Variants in TAS1R1 observed in about 807,000 individuals in gnomAD.
TAS1R1 encodes taste 1 receptor member 1.
Under a neutral mutation model 45.8 loss-of-function variants are expected in TAS1R1, and 31 were observed. The observed-to-expected ratio is 0.68, with a 90% CI of 0.51 to 0.91. The LOEUF (loss-of-function observed/expected upper bound fraction) is 0.91, where lower values mean the gene tolerates loss of function less well. TAS1R1 is among the 40% of genes least tolerant of loss of function. The probability of loss-of-function intolerance (pLI) is 0.00; values close to 1 mark genes in which losing one functional copy is unlikely to be tolerated. For synonymous variants in TAS1R1, 437 were observed against 448.4 expected, an observed-to-expected ratio of 0.97 and a Z score of 0.32; for missense variants, 1,051 against 1,063.9, an observed-to-expected ratio of 0.99 and a Z score of 0.17.
rs1306476377 is a variant in TAS1R1, at chr1:6,555,359, G to T, written c.-15G>T. On this transcript the variant is annotated 5_prime_UTR_variant, in exon 1 of 6. Coordinates refer to ENST00000333172, the MANE Select transcript of TAS1R1 (RefSeq NM_138697.4). ...GCCACTCCTTGGCCATGCCAGGCGC[G>T]GGCATCTGGCCAGCATGCTGCTCTG... The T allele has an allele frequency of 6.4e-7, 1 of 1,564,244 alleles. No homozygotes were observed. The highest frequency in any genetic ancestry group is 1.3e-5 in the African/African-American group (1 of 74,238).
intron 2 of TAS1R1, among the ~76,000 whole-genome samples, chr1:6,572,029 C>G (rs546893457): frequency 5.9e-4 from 90 of 152,194 alleles, no homozygotes; most frequent in Non-Finnish European, 9.1e-4. Context: ...GGATCCTTCC[C>G]CATGGGTTCC....
Position 6,578,696 on chromosome 1 carries a change from T to C in TAS1R1, c.1638T>C (p.Pro546=). 1 of 1,602,682 alleles carries C rather than the reference T, an allele frequency of 6.2e-7. No individual in the cohort carries two copies. The highest frequency in any genetic ancestry group is 2.2e-5 in the East Asian group (1 of 44,726). The change falls in exon 6 of 6, where the codon CCT becomes CCC. Residue 546 remains proline (P), a synonymous_variant. Coordinates refer to ENST00000333172, the MANE Select transcript of TAS1R1 (RefSeq NM_138697.4). ...CTTGTGGGAAAGAAGAGTGGGCACC[T>C]GAGGGAAGCCAGACCTGCTTCCCGC... ...CQPCGKEEWA[P]EGSQTCFPRT...
chr1:6,572,585 TGA>T (rs1226975314), intron 2 of TAS1R1, among the ~76,000 whole-genome samples: 1 of 152,112 alleles, frequency 6.6e-6, no homozygotes, highest in Non-Finnish European at 1.5e-5. Flanking sequence ...AGTCCTCCTA[TGA>T]GAGTCTTTCC....
chr1:6,568,482 A>G (rs1639924161), intron 1 of TAS1R1, among the ~76,000 whole-genome samples: 1 of 150,236 alleles, frequency 6.7e-6, no homozygotes, highest in Non-Finnish European at 1.5e-5. Flanking sequence ...AAAAAGAACA[A>G]TAGTTCCTTC....
intron 1 of TAS1R1, among the ~76,000 whole-genome samples, chr1:6,559,186 C>T (rs1391159993): frequency 1.3e-5 from 2 of 152,050 alleles, no homozygotes; most frequent in Non-Finnish European, 2.9e-5. Context: ...AGCCGCCACG[C>T]CCGGCCCCAA....
rs551112521 is a variant in TAS1R1, at chr1:6,560,187, C to T, written c.191+4623C>T. On this transcript the variant is annotated intron_variant, in intron 1 of 5. Coordinates refer to ENST00000333172, the MANE Select transcript of TAS1R1 (RefSeq NM_138697.4). ...TGGTGTATGCCTGTAATCCCAGCTA[C>T]TTGGGAGGCTGAGGCAGGAGAATCG... Among the ~76,000 whole-genome samples the T allele has an allele frequency of 5.9e-5, 9 of 152,176 alleles. No homozygotes were observed. In the East Asian group the frequency reaches 1.7e-3, roughly 29 times the overall value.
Position 6,555,450 on chromosome 1 carries a change from C to T in TAS1R1, c.77C>T (p.Thr26Met), listed in dbSNP as rs765314504. 1.9e-6 allele frequency: 3 copies of T among 1,607,264 alleles called. No homozygotes were observed. Among genetic ancestry groups the T allele is most frequent in the South Asian group, 1.1e-5 (1 of 89,642 alleles). The part of the protein sequence containing the change: ...SCCWAFACHS[T>M]ESSPDFTLPG... ...TGCTGGGCCTTTGCCTGCCATAGCACGGAGTCTTCTCCTGACTTCACCCTC... is the reference window on the plus strand; with the variant it reads ...TGCTGGGCCTTTGCCTGCCATAGCATGGAGTCTTCTCCTGACTTCACCCTC... Residue 26 changes from threonine to methionine, a missense_variant, in exon 1 of 6, where the codon ACG becomes ATG. Thr to Met is a moderately conservative substitution (Grantham distance 81). Coordinates refer to ENST00000333172, the MANE Select transcript of TAS1R1 (RefSeq NM_138697.4).
At position 6,576,438 on chromosome 1, in the gene TAS1R1, G is replaced by A; in HGVS notation, c.1284G>A (p.Val428=). The A allele has an allele frequency of 1.2e-6, 2 of 1,614,200 alleles. No individual in the cohort carries two copies. Among genetic ancestry groups the A allele is most frequent in the Non-Finnish European group, 1.7e-6 (2 of 1,180,034 alleles). ...AGCTTTTGGAGCAGATCCACAAGGT[G>A]CATTTCCTTCTACACAAGGACACTG... ...PWQLLEQIHK[V]HFLLHKDTVA... is the part of the protein sequence containing the mutation. Residue 428 remains valine, a synonymous_variant, in exon 4 of 6, where the codon GTG becomes GTA. Coordinates refer to ENST00000333172, the MANE Select transcript of TAS1R1 (RefSeq NM_138697.4).
At chr1:6,567,744 G>A (rs1639901299) in intron 1 of TAS1R1, among the ~76,000 whole-genome samples, 1 of 152,144 alleles carries the variant, frequency 6.6e-6, no homozygotes, top group Non-Finnish European at 1.5e-5. Context: ...CACTCAAGGG[G>A]AGGTGATTCT....
chr1:6,566,657 G>T (rs536617279), intron 1 of TAS1R1, among the ~76,000 whole-genome samples: 13 of 152,232 alleles, frequency 8.5e-5, no homozygotes, highest in African/African-American at 3.1e-4. Flanking sequence ...CTGCAGTGGC[G>T]CTATCTCGGC....
chr1:6,573,502 G>A (rs1414022129), intron 2 of TAS1R1, among the ~76,000 whole-genome samples: 3 of 152,036 alleles, frequency 2.0e-5, no homozygotes, highest in Admixed American at 6.6e-5. Context: ...ACTTCTCTGC[G>A]GACATCCTTA....
Position 6,569,589 on chromosome 1 carries a change from G to A in TAS1R1, c.192-1320G>A, listed in dbSNP as rs1032034419. On this transcript the variant is annotated intron_variant, in intron 1 of 5. Transcript: ENST00000333172. Reference sequence around the variant, plus strand: ...CCCAAGGGGGGTGGTCTTAGGAAGCGTAGAATGAGAAGCTCCTATGGTGAA... The same window carrying A: ...CCCAAGGGGGGTGGTCTTAGGAAGCATAGAATGAGAAGCTCCTATGGTGAA... Among the ~76,000 whole-genome samples, 31 of 152,172 alleles carry A rather than the reference G, an allele frequency of 2.0e-4. 1 individual carries two copies. Among genetic ancestry groups the A allele is most frequent in the South Asian group, 2.1e-4 (1 of 4,824 alleles).
intron 4 of TAS1R1, 91 bp downstream of exon 4, chr1:6,576,718 G>C: frequency 3.3e-6 from 5 of 1,518,390 alleles, no homozygotes; most frequent in Non-Finnish European, 4.5e-6. Flanking sequence ...GGGAGCAGGA[G>C]GGGGGCCCCA....
At chr1:6,566,446 A>G (rs11122094) in intron 1 of TAS1R1, among the ~76,000 whole-genome samples, 145,925 of 152,168 alleles carry the variant, frequency 0.96, 70,198 homozygotes, top group East Asian at 1. Flanking sequence ...TGAACGAGTC[A>G]ATATGAGCCA....
At position 6,576,416 on chromosome 1, in the gene TAS1R1, T is replaced by G. The variant is rs1194773271; in HGVS notation, c.1262T>G (p.Leu421Arg). 6.2e-7 allele frequency: 1 copy of G among 1,614,092 alleles called. No individual in the cohort carries two copies. The highest frequency in any genetic ancestry group is 1.3e-5 in the African/African-American group (1 of 74,928). ...CTTCATGATACGCGTTTCTTTCAGC[T>G]TTTGGAGCAGATCCACAAGGTGCAT... ...CSRGRVYPWQLLEQIHKVHFL... is the reference protein window; with the variant it reads ...CSRGRVYPWQRLEQIHKVHFL... The change falls in exon 4 of 6, where the codon CTT (leucine) becomes CGT (arginine). Residue 421 changes from leucine (L) to arginine (R), a missense_variant and splice_region_variant. Coordinates refer to ENST00000333172, the MANE Select transcript of TAS1R1 (RefSeq NM_138697.4).
At chr1:6,555,895 G>A (rs1156286153) in intron 1 of TAS1R1, among the ~76,000 whole-genome samples, 5 of 10,450 alleles carry the variant, frequency 4.8e-4, no homozygotes, top group Admixed American at 2.0e-3. Flanking sequence ...TTTTTGAGAC[G>A]GAGTCTCGCT....
Position 6,576,461 on chromosome 1 carries a change from C to T in TAS1R1, c.1307C>T (p.Thr436Ile). Residue 436 changes from threonine to isoleucine, a missense_variant, in exon 4 of 6, where the codon ACT becomes ATT. Thr to Ile is a moderately conservative substitution (Grantham distance 89). Coordinates refer to ENST00000333172, the MANE Select transcript of TAS1R1 (RefSeq NM_138697.4). ...GTGCATTTCCTTCTACACAAGGACA[C>T]TGTGGCGTTTAATGACAACAGAGAT... ...HKVHFLLHKDTVAFNDNRDPL... is the reference protein window; with the variant it reads ...HKVHFLLHKDIVAFNDNRDPL... 1 of 1,614,258 alleles carries T rather than the reference C, an allele frequency of 6.2e-7. No individual in the cohort carries two copies. Among genetic ancestry groups the T allele is most frequent in the South Asian group, 1.1e-5 (1 of 91,086 alleles).
rs1009070410 is a variant in TAS1R1 at position 6,555,649 on chromosome 1, G to A, written c.191+85G>A. ...GCTGCCATCCTCCAAACAGGACCTT[G>A]CCTCTGCCTTTGCCCCTTGAACTGT... is the stretch of plus-strand genomic sequence containing the variant. On this transcript the variant is annotated intron_variant, in intron 1 of 5. Transcript: ENST00000333172. The A allele has an allele frequency of 3.2e-5, 42 of 1,322,874 alleles. No individual in the cohort carries two copies. In the Admixed American group the frequency reaches 9.3e-4, roughly 29 times the overall value. The allele number at this position is 1,322,874 out of a possible 1,614,324, so 81.9% of individuals were successfully genotyped here.
Position 6,578,678 on chromosome 1 carries a change from G to A in TAS1R1, c.1620G>A (p.Gly540=), listed in dbSNP as rs780109986. 1 of 1,589,948 alleles carries A rather than the reference G, an allele frequency of 6.3e-7. No individual in the cohort carries two copies. Among genetic ancestry groups the A allele is most frequent in the Non-Finnish European group, 8.6e-7 (1 of 1,165,736 alleles). ...KSDLYRCQPC[G]KEEWAPEGSQ... Reference sequence around the variant, plus strand: ...ACCTCTACAGATGCCAGCCTTGTGGGAAAGAAGAGTGGGCACCTGAGGGAA... The same window carrying A: ...ACCTCTACAGATGCCAGCCTTGTGGAAAAGAAGAGTGGGCACCTGAGGGAA... The change falls in exon 6 of 6, where the codon GGG becomes GGA. Residue 540 remains glycine, a synonymous_variant. Transcript: ENST00000333172.
Sources: allele counts gnomAD v4.1 joint callset (sites outside exome capture counted in the v4.1 genomes callset), GRCh38; gene constraint gnomAD v4.1.1; transcripts MANE v1.5; gene names NCBI Gene and HGNC (gene_info 2026-07-23, HGNC 2026-07-21).